Variants in NR3C2 observed in about 807,000 individuals in gnomAD.
The protein encoded by NR3C2 is mineralocorticoid receptor.
Under a neutral mutation model 86.4 loss-of-function variants are expected in NR3C2, and 15 were observed. That is an observed-to-expected ratio of 0.17 (90% CI 0.12 to 0.27). The LOEUF (loss-of-function observed/expected upper bound fraction) is 0.27. Among genes scored for constraint, NR3C2 ranks in the 10% least tolerant of loss-of-function variants. The probability of loss-of-function intolerance (pLI) is 1.00; values close to 1 mark genes in which losing one functional copy is unlikely to be tolerated. For synonymous variants in NR3C2, 458 were observed against 450.5 expected, an observed-to-expected ratio of 1.02 and a Z score of -0.21; for missense variants, 960 against 1,195.6, an observed-to-expected ratio of 0.80 and a Z score of 2.91.
intron 8 of NR3C2, among the ~76,000 whole-genome samples, chr4:148,092,462 T>C (rs1731101829): frequency 6.6e-6 from 1 of 152,148 alleles, no homozygotes; most frequent in Non-Finnish European, 1.5e-5. Flanking sequence ...AACCCTGGTG[T>C]GGGCTGAGGG....
At chr4:148,378,430 T>C (rs1160031980) in intron 2 of NR3C2, among the ~76,000 whole-genome samples, 2 of 151,682 alleles carry the variant, frequency 1.3e-5, no homozygotes, top group Non-Finnish European at 2.9e-5. Flanking sequence ...TGGATATGGG[T>C]TCCCAGCCAA....
intron 6 of NR3C2, among the ~76,000 whole-genome samples, chr4:148,131,963 T>C (rs1733062742): frequency 6.6e-6 from 1 of 152,246 alleles, no homozygotes; most frequent in Non-Finnish European, 1.5e-5. Flanking sequence ...ATATGGCAAC[T>C]GTAATTTACC....
At chr4:148,081,960 G>C (rs1335923643) in intron 8 of NR3C2, among the ~76,000 whole-genome samples, 1 of 152,206 alleles carries the variant, frequency 6.6e-6, no homozygotes, top group Admixed American at 6.5e-5. Flanking sequence ...GCAGGACAGA[G>C]CACTGCACAG....
intron 2 of NR3C2, among the ~76,000 whole-genome samples, chr4:148,430,981 A>G (rs1235170409): frequency 6.6e-6 from 1 of 152,214 alleles, no homozygotes; most frequent in Non-Finnish European, 1.5e-5. Flanking sequence ...ATGCCCTTTG[A>G]AATAGTAAAC....
intron 2 of NR3C2, among the ~76,000 whole-genome samples, chr4:148,373,888 T>C (rs141302116): frequency 1.3e-5 from 2 of 152,316 alleles, no homozygotes; most frequent in East Asian, 3.9e-4. Flanking sequence ...ATTATCCTTA[T>C]TCTAGAAGCA....
intron 2 of NR3C2, among the ~76,000 whole-genome samples, chr4:148,268,926 GAATA>G (rs58500742): frequency 0.38 from 56,950 of 151,702 alleles, 10,809 homozygotes; most frequent in Admixed American, 0.49. Context: ...GACAATGAAT[GAATA>G]AAGGCCTAGT....
At chr4:148,272,206 T>G (rs1425940931) in intron 2 of NR3C2, among the ~76,000 whole-genome samples, 1 of 152,136 alleles carries the variant, frequency 6.6e-6, no homozygotes, top group Non-Finnish European at 1.5e-5. Flanking sequence ...TCCTGGAAAG[T>G]AAAGGAATAT....
chr4:148,320,684 C>G (rs1743525851), intron 2 of NR3C2, among the ~76,000 whole-genome samples: 1 of 151,952 alleles, frequency 6.6e-6, no homozygotes, highest in Non-Finnish European at 1.5e-5. Flanking sequence ...GTAGTATTCT[C>G]TGATGGTAGT....
intron 2 of NR3C2, among the ~76,000 whole-genome samples, chr4:148,379,423 A>G (rs1231981114): frequency 6.6e-6 from 1 of 152,222 alleles, no homozygotes; most frequent in African/African-American, 2.4e-5. Context: ...GAACGGCAAC[A>G]TGCACAGTAA....
intron 2 of NR3C2, among the ~76,000 whole-genome samples, chr4:148,270,957 C>A (rs569221297): frequency 6.6e-6 from 1 of 152,166 alleles, no homozygotes; most frequent in African/African-American, 2.4e-5. Flanking sequence ...ACATTTCTGA[C>A]CTCTGGCTTT....
intron 4 of NR3C2, among the ~76,000 whole-genome samples, chr4:148,181,482 A>G (rs898961343): frequency 6.6e-6 from 1 of 152,216 alleles, no homozygotes; most frequent in African/African-American, 2.4e-5. Flanking sequence ...GAAACCCTTC[A>G]AAGGACTCAT....
At chr4:148,424,233 C>G (rs1430604270) in intron 2 of NR3C2, among the ~76,000 whole-genome samples, 1 of 152,114 alleles carries the variant, frequency 6.6e-6, no homozygotes, top group African/African-American at 2.4e-5. Flanking sequence ...CCAATTTAAA[C>G]CACAATGAGA....
intron 4 of NR3C2, among the ~76,000 whole-genome samples, chr4:148,194,128 C>T (rs1165363016): frequency 6.6e-6 from 1 of 152,112 alleles, no homozygotes; most frequent in African/African-American, 2.4e-5. Context: ...ATTCCTGGCT[C>T]TTCTTTAGGA....
intron 4 of NR3C2, among the ~76,000 whole-genome samples, chr4:148,176,558 T>C (rs17620330): frequency 0.1 from 15,897 of 152,230 alleles, 999 homozygotes; most frequent in South Asian, 0.21. Flanking sequence ...GTTACAGATA[T>C]CACTTTGAAG....
chr4:148,218,406 G>A (rs965230569), intron 3 of NR3C2, among the ~76,000 whole-genome samples: 1 of 152,078 alleles, frequency 6.6e-6, no homozygotes, highest in Non-Finnish European at 1.5e-5. Flanking sequence ...TAGCCAAAAG[G>A]CTATAGAACA....
chr4:148,135,348 G>A (rs1733250858), intron 6 of NR3C2, among the ~76,000 whole-genome samples: 1 of 152,080 alleles, frequency 6.6e-6, no homozygotes, highest in Non-Finnish European at 1.5e-5. Context: ...GTTGAGGGGG[G>A]TGAGTTTGGC....
chr4:148,311,890 C>A (rs1742919476), intron 2 of NR3C2, among the ~76,000 whole-genome samples: 1 of 152,224 alleles, frequency 6.6e-6, no homozygotes, highest in Non-Finnish European at 1.5e-5. Context: ...GTTCTTCCCC[C>A]AGAAGTTGTA....
upstream of NR3C2, chr4:148,444,780 C>T (rs913797064): frequency 4.1e-6 from 4 of 984,364 alleles, no homozygotes; most frequent in Non-Finnish European, 3.6e-6. Flanking sequence ...CCGCCCCCAG[C>T]GGCGGCGGCC....
chr4:148,358,220 C>T (rs1440082445), intron 2 of NR3C2, among the ~76,000 whole-genome samples: 14 of 152,048 alleles, frequency 9.2e-5, no homozygotes, highest in Admixed American at 9.2e-4. Context: ...TGGAACCAAC[C>T]CAAATGTCCA....
Sources: allele counts gnomAD v4.1 joint callset (sites outside exome capture counted in the v4.1 genomes callset), GRCh38; gene constraint gnomAD v4.1.1; transcripts MANE v1.5; gene names NCBI Gene and HGNC (gene_info 2026-07-23, HGNC 2026-07-21).